Variants in CACNA1C observed in about 807,000 individuals in gnomAD.
CACNA1C encodes the protein voltage-dependent L-type calcium channel subunit alpha-1C.
Under a neutral mutation model 229.0 loss-of-function variants are expected in CACNA1C, and 30 were observed. The ratio of observed to expected loss-of-function variants is 0.13; its 90% confidence interval spans 0.10 to 0.18. The LOEUF is 0.18. CACNA1C is among the 10% of genes least tolerant of loss of function. CACNA1C has a pLI of 1.00. For missense variants in CACNA1C, 1,658 were observed against 2,845.0 expected, an observed-to-expected ratio of 0.58 and a Z score of 9.49; for synonymous variants, 1,114 against 1,132.5, an observed-to-expected ratio of 0.98 and a Z score of 0.33.
intron 9 of CACNA1C, among the ~76,000 whole-genome samples, chr12:2,516,798 GA>G (rs1282884205): frequency 6.6e-6 from 1 of 152,178 alleles, no homozygotes; most frequent in Non-Finnish European, 1.5e-5. Context: ...TGGAGATGTT[GA>G]GTATGTAATA....
rs1261851551 is a variant in CACNA1C, at chr12:2,086,713, A to C, written c.50-28511A>C. Reference sequence around the variant, plus strand: ...CTTTGTGGTCTTTGACGTTTTCTCCATTCAGCTAATGTATGGAGAAAGAGA... The same window carrying C: ...CTTTGTGGTCTTTGACGTTTTCTCCCTTCAGCTAATGTATGGAGAAAGAGA... On this transcript the variant is annotated intron_variant, in intron 1 of 46. Transcript: ENST00000399655. Among the ~76,000 whole-genome samples the C allele has an allele frequency of 2.6e-5, 4 of 152,248 alleles. No individual in the cohort carries two copies. In the South Asian group the frequency reaches 8.3e-4, roughly 32 times the overall value.
intron 3 of CACNA1C, among the ~76,000 whole-genome samples, chr12:2,207,403 CATT>C (rs1189002557): frequency 6.6e-6 from 1 of 152,168 alleles, no homozygotes; most frequent in African/African-American, 2.4e-5. Flanking sequence ...ATATAATAGA[CATT>C]ATGCTGTATT....
chr12:2,418,376 GACTA>G (rs746862997), intron 3 of CACNA1C, among the ~76,000 whole-genome samples: 1 of 152,334 alleles, frequency 6.6e-6, no homozygotes, highest in East Asian at 1.9e-4. Flanking sequence ...AGGTGTGAAT[GACTA>G]ACATCGAATC....
At chr12:2,622,567 T>C (rs895276164) in intron 29 of CACNA1C, among the ~76,000 whole-genome samples, 2 of 152,200 alleles carry the variant, frequency 1.3e-5, no homozygotes, top group Non-Finnish European at 2.9e-5. Flanking sequence ...TTTTCCCAGC[T>C]GTGCAGAATT....
intron 3 of CACNA1C, among the ~76,000 whole-genome samples, chr12:2,305,908 T>C (rs1046535479): frequency 4.5e-4 from 69 of 152,218 alleles, no homozygotes; most frequent in Non-Finnish European, 6.0e-4. Context: ...TAGAGACACT[T>C]TTTTAAGGCT....
chr12:2,382,633 G>A (rs2098275718), intron 3 of CACNA1C, among the ~76,000 whole-genome samples: 1 of 152,180 alleles, frequency 6.6e-6, no homozygotes, highest in Non-Finnish European at 1.5e-5. Flanking sequence ...GAGACAGAAA[G>A]GAGAGATGTA....
In CACNA1C at chr12:2,201,591, C is replaced by T. The variant is rs2097580395; in HGVS notation, c.477+81161C>T. ...GGAATTAGCTTTTCTTTCTATACTTCTAGCATGTATTTATCCTCGCTATAA... is the reference window on the plus strand; with the variant it reads ...GGAATTAGCTTTTCTTTCTATACTTTTAGCATGTATTTATCCTCGCTATAA... On this transcript the variant is annotated intron_variant, in intron 3 of 46. Transcript: ENST00000399655. Among the ~76,000 whole-genome samples the T allele has an allele frequency of 2.0e-5, 3 of 152,224 alleles. No homozygotes were observed. In the South Asian group the frequency reaches 6.2e-4, roughly 31 times the overall value.
chr12:2,406,312 T>A (rs186816513), intron 3 of CACNA1C, among the ~76,000 whole-genome samples: 4 of 152,330 alleles, frequency 2.6e-5, no homozygotes, highest in Admixed American at 6.5e-5. Flanking sequence ...TGCTAAGAAA[T>A]TTTCAGCCAT....
rs549060793 is a variant in CACNA1C at position 2,222,996 on chromosome 12, A to G, written c.477+102566A>G. 6.2e-4 allele frequency among the ~76,000 whole-genome samples: 95 copies of G among 152,254 alleles called. 1 individual carries two copies. Among genetic ancestry groups the G allele is most frequent in the African/African-American group, 2.2e-3 (91 of 41,504 alleles). On this transcript the variant is annotated intron_variant, in intron 3 of 46. Transcript: ENST00000399655. The stretch of plus-strand genomic sequence containing the variant: ...AGACATTTGCTTTTTAATGGACCCT[A>G]AACACTGGGATCTGAAATGTCACAA...
At chr12:1,999,020 T>G (rs2041572147) in intron 1 of CACNA1C, among the ~76,000 whole-genome samples, 2 of 152,242 alleles carry the variant, frequency 1.3e-5, no homozygotes, top group Non-Finnish European at 2.9e-5. Context: ...TCAGGCAATT[T>G]CAGCAAATTT....
At chr12:2,123,281 C>T (rs925305762) in intron 3 of CACNA1C, among the ~76,000 whole-genome samples, 3 of 143,526 alleles carry the variant, frequency 2.1e-5, no homozygotes, top group Non-Finnish European at 4.5e-5. Flanking sequence ...GAGGCTGAGG[C>T]AGGAGAATGG....
chr12:2,682,918 G>A (rs1371746487), intron 43 of CACNA1C, among the ~76,000 whole-genome samples: 2 of 316 alleles, frequency 6.3e-3, no homozygotes, highest in Non-Finnish European at 0.015. Flanking sequence ...ACACATACAC[G>A]ATGCCCTTTT....
chr12:2,639,307 T>A lies in CACNA1C; in HGVS notation c.3912+4927T>A, dbSNP rs950746590. Among the ~76,000 whole-genome samples, 4 of 152,252 alleles carry A rather than the reference T, an allele frequency of 2.6e-5. No homozygotes were observed. The highest frequency in any genetic ancestry group is 9.6e-5 in the African/African-American group (4 of 41,470). ...GTCTGAAATCATATTTTCCTGTGAT[T>A]GTTCGTGAAAGTTACTACAGCACCA... On this transcript the variant is annotated intron_variant, in intron 30 of 46. Coordinates refer to ENST00000399655, the MANE Select transcript of CACNA1C (RefSeq NM_000719.7). The surrounding 1 kb of genome is among the most constrained non-coding windows in gnomAD (Gnocchi z 4.2).
chr12:2,667,606 T>C (rs2096274924), intron 37 of CACNA1C, among the ~76,000 whole-genome samples: 1 of 151,952 alleles, frequency 6.6e-6, no homozygotes, highest in Admixed American at 6.6e-5. Context: ...GAAAAGAGCA[T>C]AAAATAAATG....
intron 3 of CACNA1C, among the ~76,000 whole-genome samples, chr12:2,129,430 G>A (rs1189878081): frequency 1.3e-5 from 2 of 152,178 alleles, no homozygotes; most frequent in Admixed American, 6.5e-5. Flanking sequence ...AAAGAGAGAT[G>A]ATGATTTGAA....
intron 38 of CACNA1C, among the ~76,000 whole-genome samples, chr12:2,671,137 C>T (rs2096549507): frequency 6.6e-6 from 1 of 151,890 alleles, no homozygotes; most frequent in African/African-American, 2.4e-5. Flanking sequence ...GCCTCAGCCT[C>T]TCAAGTAGCT....
At chr12:2,668,337 T>A (rs1471206093) in intron 37 of CACNA1C, among the ~76,000 whole-genome samples, 1 of 151,774 alleles carries the variant, frequency 6.6e-6, no homozygotes, top group Non-Finnish European at 1.5e-5. Flanking sequence ...ACGAGGAGGG[T>A]CAAAAGTAGT....
intron 3 of CACNA1C, among the ~76,000 whole-genome samples, chr12:2,130,197 T>C (rs78351052): frequency 6.7e-5 from 10 of 148,418 alleles, no homozygotes; most frequent in East Asian, 5.8e-4. Context: ...ACCTTTCTTT[T>C]TTTTTTTTTT....
intron 3 of CACNA1C, among the ~76,000 whole-genome samples, chr12:2,337,007 A>ACCAT (rs1398415748): frequency 3.9e-5 from 6 of 152,182 alleles, no homozygotes; most frequent in South Asian, 2.1e-4. Flanking sequence ...TCATCCATTC[A>ACCAT]CCATCCATCC....
Sources: gnomAD v4.1 joint callset for allele counts (sites outside exome capture counted in the v4.1 genomes callset) on GRCh38, gnomAD v4.1.1 for gene constraint, Gnocchi (gnomAD v3.1) non-coding constraint, MANE v1.5 for transcripts, NCBI Gene and HGNC (gene_info 2026-07-23, HGNC 2026-07-21) for gene names.